Variants in ACOT9 observed in about 807,000 individuals in gnomAD.
The protein encoded by ACOT9 is acyl-coenzyme A thioesterase 9, mitochondrial.
Under a neutral mutation model 39.7 loss-of-function variants are expected in ACOT9, and 34 were observed. The observed-to-expected ratio is 0.86, with a 90% confidence interval of 0.65 to 1.14. The LOEUF (loss-of-function observed/expected upper bound fraction) is 1.14. Among genes scored for constraint, ACOT9 ranks in the 50% most tolerant of loss-of-function variants. The pLI, the probability that ACOT9 is intolerant of heterozygous loss-of-function variation, is 0.00. For missense variants in ACOT9, 313 were observed against 344.1 expected, an observed-to-expected ratio of 0.91 and a Z score of 0.71; for synonymous variants, 110 against 120.5, an observed-to-expected ratio of 0.91 and a Z score of 0.57.
At chrX:23,727,909 G>A (rs57480287) in intron 6 of ACOT9, among the ~76,000 whole-genome samples, 1 of 105,190 alleles carries the variant, frequency 9.5e-6, no homozygotes, top group East Asian at 3.1e-4. Flanking sequence ...TGAGGCAGGA[G>A]AATCGCCTGA....
chrX:23,733,089 T>G (rs1929814416), intron 4 of ACOT9, 83 bp downstream of exon 4: 18 of 943,600 alleles, frequency 1.9e-5, no homozygotes, highest in Non-Finnish European at 2.4e-5. Flanking sequence ...CCATCCCCAC[T>G]GTGAGACCAT....
intron 8 of ACOT9, among the ~76,000 whole-genome samples, chrX:23,716,285 C>T (rs1484541081): frequency 1.8e-5 from 2 of 112,378 alleles, no homozygotes; most frequent in African/African-American, 3.2e-5. Context: ...TTGAATATCC[C>T]TTATCCAAAA....
At chrX:23,720,075 T>C (rs745370912) in intron 8 of ACOT9, among the ~76,000 whole-genome samples, 128 of 112,678 alleles carry the variant, frequency 1.1e-3, no homozygotes, top group South Asian at 2.5e-3. Flanking sequence ...CCTGGTGATC[T>C]GCCCGCCTTG....
intron 6 of ACOT9, among the ~76,000 whole-genome samples, chrX:23,723,776 G>A (rs1221469030): frequency 9.0e-6 from 1 of 110,842 alleles, no homozygotes; most frequent in Non-Finnish European, 1.9e-5. Context: ...GACACACTGG[G>A]GGAATGATAG....
intron 2 of ACOT9, among the ~76,000 whole-genome samples, chrX:23,734,866 C>A (rs911042788): frequency 9.4e-6 from 1 of 106,102 alleles, no homozygotes; most frequent in Non-Finnish European, 1.9e-5. Context: ...ACCTGTAATC[C>A]CAGCTACTCA....
intron 9 of ACOT9, among the ~76,000 whole-genome samples, chrX:23,710,297 T>A (rs1315741523): frequency 8.9e-6 from 1 of 112,138 alleles, no homozygotes; most frequent in Non-Finnish European, 1.9e-5. Context: ...TGCCCAGATT[T>A]TGATGTCTAA....
chrX:23,742,619 C>T (rs891531011), intron 1 of ACOT9, among the ~76,000 whole-genome samples: 7 of 111,547 alleles, frequency 6.3e-5, no homozygotes, highest in Non-Finnish European at 1.1e-4. Context: ...GGGTCCTAGA[C>T]GCACAGTCCT....
At chrX:23,714,109 C>T (rs1479320685) in intron 8 of ACOT9, among the ~76,000 whole-genome samples, 1 of 111,203 alleles carries the variant, frequency 9.0e-6, no homozygotes, top group African/African-American at 3.3e-5. Flanking sequence ...TGGAACTGTG[C>T]AAGACTGGGA....
At chrX:23,737,454 T>C (rs931971447) in intron 1 of ACOT9, among the ~76,000 whole-genome samples, 6 of 112,221 alleles carry the variant, frequency 5.3e-5, no homozygotes, top group African/African-American at 1.3e-4. Flanking sequence ...AAAAGAGATA[T>C]TTTTAGTTTT....
chrX:23,727,583 C>A (rs1396159368), intron 6 of ACOT9, among the ~76,000 whole-genome samples: 5 of 109,864 alleles, frequency 4.6e-5, no homozygotes, highest in Non-Finnish European at 9.5e-5. Context: ...CCTCGATCTC[C>A]CAAAGTGCAA....
chrX:23,709,033 G>C (rs990971882), intron 9 of ACOT9, among the ~76,000 whole-genome samples: 1 of 112,061 alleles, frequency 8.9e-6, no homozygotes, highest in African/African-American at 3.2e-5. Context: ...TAAAAAATAA[G>C]GGAAAAGGGA....
At chrX:23,716,181 C>T (rs1929073306) in intron 8 of ACOT9, among the ~76,000 whole-genome samples, 1 of 111,411 alleles carries the variant, frequency 9.0e-6, no homozygotes, top group African/African-American at 3.3e-5. Context: ...TATCCTGGAG[C>T]ACAGGGAGAA....
chrX:23,706,905 A>C (rs1043102493), intron 10 of ACOT9, 166 bp from the exon 11 acceptor site: 1 of 402,013 alleles, frequency 2.5e-6, no homozygotes, highest in Non-Finnish European at 4.4e-6. Flanking sequence ...TTCCACATGG[A>C]AATTATATTG....
chrX:23,704,337 A>ATT (rs749027257), intron 15 of ACOT9, among the ~76,000 whole-genome samples: 3 of 88,710 alleles, frequency 3.4e-5, no homozygotes, highest in East Asian at 3.5e-4. Context: ...TGCCCGGCTA[A>ATT]TTTTTTTTTT....
intron 10 of ACOT9, 54 bp from the exon 11 acceptor site, chrX:23,706,793 C>T (rs757337263): frequency 2.8e-5 from 20 of 724,174 alleles, no homozygotes; most frequent in South Asian, 5.4e-5. Context: ...CTACAGCACA[C>T]GGTATTCTGA....
Position 23,704,697 on chromosome X carries a change from CAT to C in ACOT9, c.1253_1254del (p.Tyr418TrpfsTer53), listed in dbSNP as rs866837776. On this transcript the variant is annotated frameshift_variant, in exon 15 of 16. Transcript: ENST00000379303. LOFTEE classifies it high-confidence loss of function. ...ACAAGCAATAATCACTACTTACCTC[CAT>C]ATGTTTTTGGGAAAACCAATGGCAC... ...KEVPLVFPKT[Y>X]GESMLYLDGQ... 1.3e-5 allele frequency: 16 copies of C among 1,209,389 alleles called. No homozygotes were observed. The highest frequency in any genetic ancestry group is 1.7e-5 in the Non-Finnish European group (15 of 894,729).
At position 23,701,436 on chromosome X, in the gene ACOT9, G is replaced by T. The variant is rs13441234; in HGVS notation, c.*2458C>A. On this transcript the variant is annotated 3_prime_UTR_variant, in exon 16 of 16. Transcript: ENST00000379303. The stretch of plus-strand genomic sequence containing the variant: ...CTCCTGTGACTATTTCATGCCAGAG[G>T]TGCTTGTTGACACTGTGATTTCAAT... 0.39 allele frequency among the ~76,000 whole-genome samples: 43,377 copies of T among 109,944 alleles called. 6,853 individuals are homozygous for T. The highest frequency in any genetic ancestry group is 0.5 in the Non-Finnish European group (26,303 of 52,571).
At chrX:23,714,313 A>G (rs751394859) in intron 8 of ACOT9, among the ~76,000 whole-genome samples, 10 of 111,555 alleles carry the variant, frequency 9.0e-5, no homozygotes, top group African/African-American at 3.2e-4. Context: ...TTATGCCTTC[A>G]TAGCTGGGCA....
rs1929899631 is a variant in ACOT9, at chrX:23,735,192, G to T, written c.118+727C>A. 2.4e-5 allele frequency among the ~76,000 whole-genome samples: 2 copies of T among 82,680 alleles called. 1 individual carries two copies. The highest frequency in any genetic ancestry group is 3.5e-4 in the Admixed American group (2 of 5,733). 71.8% of individuals were successfully genotyped at this position (82,680 alleles called of 115,157 possible). On this transcript the variant is annotated intron_variant, in intron 2 of 15. Transcript: ENST00000379303. ...GGAGGCAGAGGTTGCAGTGAGCCGA[G>T]ATCCTGCCACTGCACTCCAGCCTGG...
Sources: allele counts gnomAD v4.1 joint callset (sites outside exome capture counted in the v4.1 genomes callset), GRCh38; gene constraint gnomAD v4.1.1; transcripts MANE v1.5; gene names NCBI Gene and HGNC (gene_info 2026-07-23, HGNC 2026-07-21).